Variants in SH3PXD2B observed in about 807,000 individuals in gnomAD.
SH3PXD2B encodes SH3 and PX domains 2B, also known as SH3 and PX domain-containing protein 2B.
SH3PXD2B carries 37 observed loss-of-function variants against 73.1 expected under a neutral mutation model. The ratio of observed to expected loss-of-function variants is 0.51; its 90% CI spans 0.39 to 0.67. The LOEUF is 0.67. SH3PXD2B is among the 30% of genes least tolerant of loss of function. The probability of loss-of-function intolerance (pLI) is 0.00; values close to 1 mark genes in which losing one functional copy is unlikely to be tolerated. For missense variants in SH3PXD2B, 1,053 were observed against 1,197.8 expected, an observed-to-expected ratio of 0.88 and a Z score of 1.78; for synonymous variants, 457 against 480.5, an observed-to-expected ratio of 0.95 and a Z score of 0.64.
chr5:172,337,613 A>G lies in SH3PXD2B; in HGVS notation c.*756T>C, dbSNP rs1413167451. On this transcript the variant is annotated 3_prime_UTR_variant, in exon 13 of 13. Coordinates refer to ENST00000311601, the MANE Select transcript of SH3PXD2B (RefSeq NM_001017995.3). ...ATGAAATGCTCCAAGTTGGGGTGGG[A>G]ACTCTCATTGAAAAGCCCTGGAGGG... 6.1e-6 allele frequency: 6 copies of G among 985,382 alleles called. No individual in the cohort carries two copies. The highest frequency in any genetic ancestry group is 7.2e-6 in the Non-Finnish European group (6 of 830,022). 61.0% of individuals were successfully genotyped at this position (985,382 alleles called of 1,614,324 possible).
chr5:172,415,531 C>T (rs1429858888), intron 2 of SH3PXD2B, among the ~76,000 whole-genome samples: 1 of 152,198 alleles, frequency 6.6e-6, no homozygotes, highest in African/African-American at 2.4e-5. Flanking sequence ...CTCTGTCTTT[C>T]TGAGCTTCAG....
intron 1 of SH3PXD2B, among the ~76,000 whole-genome samples, chr5:172,442,631 T>C (rs889331094): frequency 6.6e-6 from 1 of 152,324 alleles, no homozygotes; most frequent in South Asian, 2.1e-4. Context: ...TCTTAATATG[T>C]GGTCATTCCA....
At chr5:172,332,592 A>G (rs1288404813), downstream of SH3PXD2B, among the ~76,000 whole-genome samples, 1 of 150,684 alleles carries the variant, frequency 6.6e-6, no homozygotes, top group Non-Finnish European at 1.5e-5. Flanking sequence ...ACACAGATTA[A>G]TATATTAATG....
chr5:172,441,765 A>G (rs1759554651), intron 1 of SH3PXD2B, among the ~76,000 whole-genome samples: 1 of 152,098 alleles, frequency 6.6e-6, no homozygotes, highest in Admixed American at 6.5e-5. Context: ...CAAGGAGAAG[A>G]GAACTAGATA....
intron 1 of SH3PXD2B, among the ~76,000 whole-genome samples, chr5:172,453,175 C>T (rs1279904715): frequency 6.6e-6 from 1 of 152,192 alleles, no homozygotes; most frequent in Non-Finnish European, 1.5e-5. Context: ...CTTAATTTAG[C>T]CAGCCAACGC....
chr5:172,339,127 G>C lies in SH3PXD2B; in HGVS notation c.1978C>G (p.Gln660Glu). Residue 660 changes from glutamine to glutamate, a missense_variant, in exon 13 of 13, where the codon CAA becomes GAA. Gln to Glu is a conservative substitution (Grantham distance 29). This residue lies in a region of SH3PXD2B where 587 missense variants were observed against 590.7 expected (regional missense o/e 0.99). Transcript: ENST00000311601. The surrounding 1 kb of genome is among the most constrained non-coding windows in gnomAD (Gnocchi z 6.1). ...CTCCTGAGGTTGCAGATGTCGACTT[G>C]GTCTTCGCCCTGAGGTGGCTCCGTT... ...PKTEPPQGED[Q>E]VDICNLRSKL... is the part of the protein sequence containing the mutation. 2 of 1,614,212 alleles carry C rather than the reference G, an allele frequency of 1.2e-6. No homozygotes were observed. Among genetic ancestry groups the C allele is most frequent in the South Asian group, 2.2e-5 (2 of 91,080 alleles).
At chr5:172,365,963 G>C (rs1757510920) in intron 6 of SH3PXD2B, among the ~76,000 whole-genome samples, 1 of 152,210 alleles carries the variant, frequency 6.6e-6, no homozygotes, top group Non-Finnish European at 1.5e-5. Flanking sequence ...GGGCCCTCAG[G>C]TGAGCTGGAC....
At chr5:172,411,206 C>CA (rs1554140321) in intron 2 of SH3PXD2B, among the ~76,000 whole-genome samples, 1 of 146,714 alleles carries the variant, frequency 6.8e-6, no homozygotes, top group African/African-American at 2.5e-5. Context: ...TTAAAGGGAA[C>CA]TTTTTTTTTT....
chr5:172,358,927 C>T (rs761119379), intron 7 of SH3PXD2B, 50 bp from the exon 8 acceptor site: 17 of 1,538,506 alleles, frequency 1.1e-5, no homozygotes, highest in Middle Eastern at 1.7e-4. Flanking sequence ...AGCATGAGGC[C>T]GGGGGTCAGA....
chr5:172,359,646 G>A (rs1428918345), intron 7 of SH3PXD2B, among the ~76,000 whole-genome samples: 1 of 152,126 alleles, frequency 6.6e-6, no homozygotes, highest in African/African-American at 2.4e-5. Context: ...TCTCACCCCG[G>A]CTCAGACATT....
chr5:172,411,748 AT>A (rs1309498975), intron 2 of SH3PXD2B, among the ~76,000 whole-genome samples: 7 of 151,636 alleles, frequency 4.6e-5, no homozygotes, highest in African/African-American at 1.5e-4. Flanking sequence ...TGAATATGTT[AT>A]TTTGAAAGTT....
At chr5:172,402,616 C>T (rs111722155) in intron 3 of SH3PXD2B, among the ~76,000 whole-genome samples, 9,474 of 152,144 alleles carry the variant, frequency 0.062, 912 homozygotes, top group African/African-American at 0.21. Context: ...TCAGACCAGC[C>T]GACACTTAGG....
Position 172,439,685 on chromosome 5 carries a change from C to CGT in SH3PXD2B, c.75+14592_75+14593insAC, listed in dbSNP as rs1561583907. Among the ~76,000 whole-genome samples the CGT allele has an allele frequency of 2.9e-4, 18 of 61,222 alleles. No homozygotes were observed. In the South Asian group the frequency reaches 3.9e-3, roughly 13 times the overall value. 40.2% of individuals were successfully genotyped at this position (61,222 alleles called of 152,430 possible). ...GTATGTGTGTGCGTGCGTGCGCGCA[C>CGT]GCGCGCGCACACACACACACACACA... is the stretch of plus-strand genomic sequence containing the variant. On this transcript the variant is annotated intron_variant, in intron 1 of 12. Coordinates refer to ENST00000311601, the MANE Select transcript of SH3PXD2B (RefSeq NM_001017995.3).
chr5:172,410,048 G>A (rs535012086), intron 2 of SH3PXD2B, among the ~76,000 whole-genome samples: 1 of 152,350 alleles, frequency 6.6e-6, no homozygotes, highest in South Asian at 2.1e-4. Context: ...TTCATCTGCT[G>A]ATGGGTACTT....
intron 4 of SH3PXD2B, among the ~76,000 whole-genome samples, chr5:172,386,071 G>A (rs991532579): frequency 1.3e-5 from 2 of 152,206 alleles, no homozygotes; most frequent in Non-Finnish European, 2.9e-5. Context: ...CCTGCTTGCA[G>A]AGGGTAACAA....
intron 5 of SH3PXD2B, among the ~76,000 whole-genome samples, chr5:172,379,281 C>T (rs1473103791): frequency 8.3e-6 from 1 of 120,608 alleles, no homozygotes; most frequent in African/African-American, 3.3e-5. Flanking sequence ...CCAGCCTGGA[C>T]AACATAGCCA....
chr5:172,331,723 G>A (rs1441370940), downstream of SH3PXD2B, among the ~76,000 whole-genome samples: 1 of 152,162 alleles, frequency 6.6e-6, no homozygotes, highest in Non-Finnish European at 1.5e-5. Flanking sequence ...AGGCCAAGGC[G>A]GGCGGATCAC....
In SH3PXD2B at chr5:172,367,023, G is replaced by A. The variant is rs1352058486; in HGVS notation, c.428-4154C>T. On this transcript the variant is annotated intron_variant, in intron 6 of 12. Coordinates refer to ENST00000311601, the MANE Select transcript of SH3PXD2B (RefSeq NM_001017995.3). ...ACGATCTCAGCTCACTGCAACCTCT[G>A]CCCCCAGGGCTCAGGCGATTCTCTC... Among the ~76,000 whole-genome samples, 5 of 139,254 alleles carry A rather than the reference G, an allele frequency of 3.6e-5. No individual in the cohort carries two copies. In the East Asian group the frequency reaches 6.5e-4, roughly 18 times the overall value. The allele number at this position is 139,254 out of a possible 152,430, so 91.4% of individuals were successfully genotyped here.
At position 172,421,557 on chromosome 5, in the gene SH3PXD2B, G is replaced by C. The variant is rs1387961902; in HGVS notation, c.156+859C>G. ...CAAGCAGACAGCTTCAATACAGAGA[G>C]ACACACAGAGCTGTAGGGGCACAGA... On this transcript the variant is annotated intron_variant, in intron 2 of 12. Coordinates refer to ENST00000311601, the MANE Select transcript of SH3PXD2B (RefSeq NM_001017995.3). The surrounding 1 kb of genome is among the most constrained non-coding windows in gnomAD (Gnocchi z 4.0). 6.6e-6 allele frequency among the ~76,000 whole-genome samples: 1 copy of C among 152,192 alleles called. No homozygotes were observed. Among genetic ancestry groups the C allele is most frequent in the Non-Finnish European group, 1.5e-5 (1 of 68,040 alleles).
Sources: allele counts gnomAD v4.1 joint callset (sites outside exome capture counted in the v4.1 genomes callset), GRCh38; gene constraint gnomAD v4.1.1; regional missense constraint gnomAD v4.1.1; non-coding constraint Gnocchi (gnomAD v3.1); transcripts MANE v1.5; gene names NCBI Gene and HGNC (gene_info 2026-07-23, HGNC 2026-07-21).